PTPRD: variants seen among roughly 807,000 people sequenced by gnomAD.
PTPRD encodes receptor-type tyrosine-protein phosphatase delta.
PTPRD carries 34 observed loss-of-function variants against 214.5 expected under a neutral mutation model. The observed-to-expected ratio is 0.16, with a 90% confidence interval of 0.12 to 0.21. The LOEUF is 0.21. Among genes scored for constraint, PTPRD ranks in the 10% least tolerant of loss-of-function variants. The probability of loss-of-function intolerance (pLI) is 1.00; values close to 1 mark genes in which losing one functional copy is unlikely to be tolerated. For synonymous variants in PTPRD, 1,128 were observed against 845.7 expected, an observed-to-expected ratio of 1.33 and a Z score of -5.79; for missense variants, 2,545 against 2,398.7, an observed-to-expected ratio of 1.06 and a Z score of -1.27.
intron 39 of PTPRD, among the ~76,000 whole-genome samples, chr9:8,346,818 C>T (rs1247610488): frequency 6.6e-6 from 1 of 152,130 alleles, no homozygotes; most frequent in Non-Finnish European, 1.5e-5. Flanking sequence ...AAATCGTATG[C>T]TGAGGTTGCT....
chr9:8,774,527 CTTTTTTTTTTTTTTT>C (rs564318443), intron 11 of PTPRD, among the ~76,000 whole-genome samples: 3 of 105,226 alleles, frequency 2.9e-5, no homozygotes, highest in Admixed American at 2.4e-4. Flanking sequence ...TGAAAAGTAA[CTTTTTTTTTTTTTTT>C]TTTTTTTTTG....
intron 14 of PTPRD, among the ~76,000 whole-genome samples, chr9:8,538,298 G>C (rs2077438722): frequency 6.6e-6 from 1 of 151,706 alleles, no homozygotes; most frequent in Admixed American, 6.6e-5. Context: ...ATTATTTTTA[G>C]AAAATAATTT....
intron 10 of PTPRD, among the ~76,000 whole-genome samples, chr9:9,068,651 C>T (rs542475041): frequency 1.3e-5 from 2 of 152,040 alleles, no homozygotes; most frequent in South Asian, 2.1e-4. Context: ...TCTCACTTGT[C>T]CCCAGGCTGG....
intron 9 of PTPRD, among the ~76,000 whole-genome samples, chr9:9,276,625 A>G (rs1230155231): frequency 6.6e-6 from 1 of 151,254 alleles, no homozygotes; most frequent in Non-Finnish European, 1.5e-5. Flanking sequence ...CTTGGATCTC[A>G]GCTTCATCTT....
Position 8,929,766 on chromosome 9 carries a change from TGTGTATATATATGG to T in PTPRD, c.-104+88917_-104+88930del, listed in dbSNP as rs1229823944. Among the ~76,000 whole-genome samples the T allele has an allele frequency of 1.1e-3, 49 of 43,488 alleles. 1 individual carries two copies. In the East Asian group the frequency reaches 0.02, roughly 18 times the overall value. 28.5% of individuals were successfully genotyped at this position (43,488 alleles called of 152,430 possible). On this transcript the variant is annotated intron_variant, in intron 11 of 45. Coordinates refer to ENST00000381196, the MANE Select transcript of PTPRD (RefSeq NM_002839.4). ...ATGTGTATATATATATGTATATATATGTGTATATATATGGGTGTGTATATATGTGTGTGTATATA... is the reference window on the plus strand; with the variant it reads ...ATGTGTATATATATATGTATATATATGTGTGTATATATGTGTGTGTATATA...
chr9:8,437,135 G>A, intron 34 of PTPRD: 1 of 1,186,500 alleles, frequency 8.4e-7, no homozygotes, highest in Non-Finnish European at 1.2e-6. Flanking sequence ...AGGCCTAAAA[G>A]GGAAAGAGTA....
chr9:8,318,834 C>G (rs7868789), intron 45 of PTPRD, among the ~76,000 whole-genome samples: 3 of 151,848 alleles, frequency 2.0e-5, no homozygotes, highest in African/African-American at 7.3e-5. Context: ...CAATTTACAG[C>G]TCTCTATAGG....
At chr9:8,913,332 A>C (rs1285642853) in intron 11 of PTPRD, among the ~76,000 whole-genome samples, 1 of 152,122 alleles carries the variant, frequency 6.6e-6, no homozygotes, top group Non-Finnish European at 1.5e-5. Flanking sequence ...CTATTTTTAG[A>C]ATCCGCCTTT....
chr9:8,971,154 C>T (rs768453473), intron 11 of PTPRD, among the ~76,000 whole-genome samples: 13 of 151,690 alleles, frequency 8.6e-5, no homozygotes, highest in Admixed American at 2.6e-4. Flanking sequence ...TTTCAACGAA[C>T]ATTTTAACCC....
At chr9:8,982,557 G>A (rs534531348) in intron 11 of PTPRD, among the ~76,000 whole-genome samples, 2 of 146,334 alleles carry the variant, frequency 1.4e-5, no homozygotes, top group South Asian at 2.2e-4. Context: ...AAAAAAAAGA[G>A]AATGAAAATA....
At chr9:9,617,167 T>C (rs907308959) in intron 7 of PTPRD, among the ~76,000 whole-genome samples, 6 of 152,174 alleles carry the variant, frequency 3.9e-5, no homozygotes, top group African/African-American at 1.4e-4. Flanking sequence ...TTTTTCCAAC[T>C]TATTAATAGA....
intron 9 of PTPRD, among the ~76,000 whole-genome samples, chr9:9,313,432 A>AC (rs1314013101): frequency 6.6e-6 from 1 of 152,190 alleles, no homozygotes; most frequent in Non-Finnish European, 1.5e-5. Flanking sequence ...GAATTAGCGT[A>AC]AATAAGTGTC....
intron 8 of PTPRD, among the ~76,000 whole-genome samples, chr9:9,529,766 C>T (rs1453914750): frequency 6.6e-6 from 1 of 151,730 alleles, no homozygotes; most frequent in Non-Finnish European, 1.5e-5. Flanking sequence ...TCCAACAATT[C>T]CTCTCTAGGT....
At chr9:8,796,773 A>G (rs1411614665) in intron 11 of PTPRD, among the ~76,000 whole-genome samples, 2 of 152,152 alleles carry the variant, frequency 1.3e-5, no homozygotes, top group African/African-American at 4.8e-5. Context: ...TTAATCCAGG[A>G]TTATGTCAAG....
At chr9:10,481,609 G>C (rs1215732099) in intron 2 of PTPRD, among the ~76,000 whole-genome samples, 2 of 152,126 alleles carry the variant, frequency 1.3e-5, no homozygotes, top group Non-Finnish European at 2.9e-5. Flanking sequence ...GAATGCATAA[G>C]TGAATGAATG....
rs142884093 is a variant in PTPRD, at chr9:8,819,594, G to C, written c.-103-85648C>G. Among the ~76,000 whole-genome samples, 351 of 152,248 alleles carry C rather than the reference G, an allele frequency of 2.3e-3. 12 individuals are homozygous for C. The East Asian group carries it at 0.054, about 24-fold the overall frequency. On this transcript the variant is annotated intron_variant, in intron 11 of 45. Transcript: ENST00000381196. The stretch of plus-strand genomic sequence containing the variant: ...GAGAATCACTTGAACCTTGGAGGCA[G>C]AGGTTGCAGTGAGCCAAGATTGAGC...
chr9:8,524,595 A>G (rs1191499075), intron 18 of PTPRD, among the ~76,000 whole-genome samples: 3 of 152,184 alleles, frequency 2.0e-5, no homozygotes, highest in Non-Finnish European at 4.4e-5. Context: ...GAAGAGAAAC[A>G]ACAGAAAAAA....
At chr9:8,794,163 G>T (rs893599084) in intron 11 of PTPRD, among the ~76,000 whole-genome samples, 2 of 152,128 alleles carry the variant, frequency 1.3e-5, no homozygotes, top group African/African-American at 4.8e-5. Context: ...TCAGGAAAAG[G>T]AAGGCAAGTA....
chr9:10,172,268 G>A (rs2099213368), intron 3 of PTPRD, among the ~76,000 whole-genome samples: 1 of 152,002 alleles, frequency 6.6e-6, no homozygotes, highest in Non-Finnish European at 1.5e-5. Flanking sequence ...ATCTCTTGCA[G>A]CCTATAATAT....
Sources: gnomAD v4.1 joint callset for allele counts (sites outside exome capture counted in the v4.1 genomes callset) on GRCh38, gnomAD v4.1.1 for gene constraint, MANE v1.5 for transcripts, NCBI Gene and HGNC (gene_info 2026-07-23, HGNC 2026-07-21) for gene names.